The following ZNF121 variants were observed in gnomAD, a reference collection of about 807,000 sequenced individuals.
ZNF121 encodes zinc finger protein 121 (clone ZHC32).
ZNF121 carries 1 observed loss-of-function variant against 2.4 expected under a neutral mutation model. The ratio of observed to expected loss-of-function variants is 0.41; its 90% confidence interval spans 0.15 to 1.94. The LOEUF (loss-of-function observed/expected upper bound fraction) is 1.94. Among genes scored for constraint, ZNF121 ranks in the 30% most tolerant of loss-of-function variants. ZNF121 has a pLI of 0.30. For synonymous variants in ZNF121, 173 were observed against 158.6 expected, an observed-to-expected ratio of 1.09 and a Z score of -0.68; for missense variants, 369 against 466.3, an observed-to-expected ratio of 0.79 and a Z score of 1.92.
chr19:9,560,695 T>C lies in ZNF121; in HGVS notation c.*5245A>G, dbSNP rs990419932. On this transcript the variant is annotated 3_prime_UTR_variant, in exon 4 of 4. Coordinates refer to ENST00000320451, the MANE Select transcript of ZNF121 (RefSeq NM_001008727.5). ...ATGATATTGCATTGTATGTATATAA[T>C]GCATTTTGTTTACCAATTCATCTGT... 1.3e-5 allele frequency: 2 copies of C among 152,260 alleles called. No homozygotes were observed. The highest frequency in any genetic ancestry group is 4.8e-5 in the African/African-American group (2 of 41,466). The allele number at this position is 152,260 out of a possible 1,614,324, so 9.4% of individuals were successfully genotyped here.
intron 1 of ZNF121, among the ~76,000 whole-genome samples, chr19:9,573,397 C>T (rs1440415846): frequency 2.0e-5 from 3 of 152,084 alleles, no homozygotes; most frequent in Non-Finnish European, 2.9e-5. Context: ...CTCTCAACAG[C>T]AAGATGGATC....
At chr19:9,580,488 GAAA>G (rs61312088) in intron 1 of ZNF121, among the ~76,000 whole-genome samples, 17 of 131,976 alleles carry the variant, frequency 1.3e-4, no homozygotes, top group African/African-American at 4.2e-4. Context: ...ACTCAAAAAA[GAAA>G]AAAAAAAAAA....
intron 1 of ZNF121, among the ~76,000 whole-genome samples, chr19:9,581,362 G>T (rs1474324555): frequency 6.8e-6 from 1 of 148,018 alleles, no homozygotes; most frequent in African/African-American, 2.6e-5. Flanking sequence ...ACTAATCCCG[G>T]TTGGTGAAAC....
At position 9,560,888 on chromosome 19, in the gene ZNF121, C is replaced by T. The variant is rs559784717; in HGVS notation, c.*5052G>A. On this transcript the variant is annotated 3_prime_UTR_variant, in exon 4 of 4. Transcript: ENST00000320451. ...TTTTAAACCTAGTGCTTTTATATTA[C>T]GCCCTGAGCTAAAGATAAGAACTGT... is the stretch of plus-strand genomic sequence containing the variant. 1.2e-4 allele frequency: 18 copies of T among 152,320 alleles called. No individual in the cohort carries two copies. Among genetic ancestry groups the T allele is most frequent in the African/African-American group, 3.1e-4 (13 of 41,564 alleles). The allele number at this position is 152,320 out of a possible 1,614,324, so 9.4% of individuals were successfully genotyped here.
intron 2 of ZNF121, among the ~76,000 whole-genome samples, chr19:9,568,395 T>A (rs1287634688): frequency 6.6e-6 from 1 of 150,938 alleles, no homozygotes; most frequent in Non-Finnish European, 1.5e-5. Flanking sequence ...TGAGACAGAG[T>A]CTCGCTCTGT....
At chr19:9,581,774 T>G (rs926274333) in intron 1 of ZNF121, among the ~76,000 whole-genome samples, 1 of 152,200 alleles carries the variant, frequency 6.6e-6, no homozygotes. Flanking sequence ...GAGCATACGT[T>G]GAATCAATGC....
chr19:9,569,846 T>C (rs1297856210), intron 1 of ZNF121, among the ~76,000 whole-genome samples: 1 of 151,314 alleles, frequency 6.6e-6, no homozygotes, highest in Non-Finnish European at 1.5e-5. Flanking sequence ...ATCTTTTTTT[T>C]TTTTTTTTTT....
chr19:9,567,726 A>G (rs954358736), intron 3 of ZNF121: 2 of 276,732 alleles, frequency 7.2e-6, no homozygotes, highest in Non-Finnish European at 1.5e-5. Flanking sequence ...GGAGACAGTG[A>G]CAGATCATCA....
At chr19:9,576,236 A>C (rs903927696) in intron 1 of ZNF121, among the ~76,000 whole-genome samples, 2 of 152,130 alleles carry the variant, frequency 1.3e-5, no homozygotes, top group Non-Finnish European at 2.9e-5. Flanking sequence ...GCTCATGCCT[A>C]TAATCCCGGC....
chr19:9,569,910 T>G (rs997875125), intron 1 of ZNF121, among the ~76,000 whole-genome samples: 1 of 149,320 alleles, frequency 6.7e-6, no homozygotes, highest in African/African-American at 2.5e-5. Context: ...TTTTCTTATA[T>G]CATGGGTAGT....
intron 1 of ZNF121, among the ~76,000 whole-genome samples, chr19:9,570,229 C>A (rs1292778844): frequency 6.6e-6 from 1 of 152,026 alleles, no homozygotes; most frequent in Non-Finnish European, 1.5e-5. Flanking sequence ...CAGAGAGCTT[C>A]TTTAGGACAC....
intron 1 of ZNF121, among the ~76,000 whole-genome samples, chr19:9,581,616 A>G (rs2074248876): frequency 6.6e-6 from 1 of 152,096 alleles, no homozygotes; most frequent in East Asian, 1.9e-4. Context: ...TTGAAGAGAA[A>G]CCTCATCATA....
At chr19:9,577,755 C>A (rs190898087) in intron 1 of ZNF121, among the ~76,000 whole-genome samples, 1 of 152,042 alleles carries the variant, frequency 6.6e-6, no homozygotes, top group East Asian at 1.9e-4. Context: ...CCAAAAAAAA[C>A]GAAGCTGGAG....
Position 9,562,903 on chromosome 19 carries a change from A to G in ZNF121, c.*3037T>C, listed in dbSNP as rs959656919. ...TGCCTCTTTAAAAAAAAAAAAAAAA[A>G]AAAAAAAAAATTAGCTGGCCATGGT... is the stretch of plus-strand genomic sequence containing the variant. On this transcript the variant is annotated 3_prime_UTR_variant, in exon 4 of 4. Transcript: ENST00000320451. 3 of 150,702 alleles carry G rather than the reference A, an allele frequency of 2.0e-5. No individual in the cohort carries two copies. The highest frequency in any genetic ancestry group is 7.3e-5 in the African/African-American group (3 of 41,036). The allele number at this position is 150,702 out of a possible 1,614,324, so 9.3% of individuals were successfully genotyped here. A position where few individuals can be genotyped will look rare whatever the true frequency, so the allele number is the denominator to read the frequency against.
chr19:9,574,265 C>A (rs2074194761), intron 1 of ZNF121, among the ~76,000 whole-genome samples: 1 of 152,102 alleles, frequency 6.6e-6, no homozygotes, highest in South Asian at 2.1e-4. Flanking sequence ...CCTGCCTCAG[C>A]CTCCCTAGTA....
Position 9,561,157 on chromosome 19 carries a change from G to A in ZNF121, c.*4783C>T, listed in dbSNP as rs372925896. On this transcript the variant is annotated 3_prime_UTR_variant, in exon 4 of 4. Transcript: ENST00000320451. The stretch of plus-strand genomic sequence containing the variant: ...AATAGAGTTATTAATGTGTGGATAC[G>A]TATATATAATTTTGTATGTCTTTGC... 3.3e-5 allele frequency: 5 copies of A among 152,136 alleles called. No homozygotes were observed. Among genetic ancestry groups the A allele is most frequent in the Admixed American group, 1.3e-4 (2 of 15,260 alleles). 9.4% of individuals were successfully genotyped at this position (152,136 alleles called of 1,614,324 possible). A position where few individuals can be genotyped will look rare whatever the true frequency, so the allele number is the denominator to read the frequency against.
chr19:9,566,968 G>C lies in ZNF121; in HGVS notation c.145C>G (p.Pro49Ala). 6.2e-7 allele frequency: 1 copy of C among 1,614,138 alleles called. No homozygotes were observed. The highest frequency in any genetic ancestry group is 8.5e-7 in the Non-Finnish European group (1 of 1,180,028). Reference protein sequence around the residue: ...YDCDEYGENFPMLHNSAPAGE... With the variant: ...YDCDEYGENFAMLHNSAPAGE... The stretch of plus-strand genomic sequence containing the variant: ...GCAGGGGCACTGTTGTGTAACATGG[G>C]AAAGTTTTCTCCATACTCATCACAG... Residue 49 changes from proline (P) to alanine (A), a missense_variant, in exon 4 of 4, where the codon CCC becomes GCC. Pro to Ala is a conservative substitution (Grantham distance 27). Transcript: ENST00000320451.
At chr19:9,582,875 AG>A (rs2074257381) in intron 1 of ZNF121, among the ~76,000 whole-genome samples, 1 of 89,000 alleles carries the variant, frequency 1.1e-5, no homozygotes, top group Non-Finnish European at 2.1e-5. Context: ...TAAATTCAAT[AG>A]ATACTACTTT....
intron 1 of ZNF121, among the ~76,000 whole-genome samples, chr19:9,572,816 C>T (rs771771483): frequency 4.6e-5 from 7 of 152,128 alleles, no homozygotes; most frequent in Non-Finnish European, 7.4e-5. Flanking sequence ...ATCGCTTAAG[C>T]TCGAGTTCAA....
Sources: allele counts gnomAD v4.1 joint callset (sites outside exome capture counted in the v4.1 genomes callset), GRCh38; gene constraint gnomAD v4.1.1; transcripts MANE v1.5; gene names NCBI Gene and HGNC (gene_info 2026-07-23, HGNC 2026-07-21).